Variants in OTUD4 observed in about 807,000 individuals in gnomAD.
OTUD4 encodes OTU deubiquitinase 4.
OTUD4 carries 24 observed loss-of-function variants against 130.4 expected under a neutral mutation model. The observed-to-expected ratio is 0.18, with a 90% CI of 0.13 to 0.26. The LOEUF (loss-of-function observed/expected upper bound fraction) is 0.26. Ranked by LOEUF, OTUD4 falls within the 10% of genes least tolerant of loss-of-function variation. OTUD4 has a pLI of 1.00. For synonymous variants in OTUD4, 420 were observed against 472.5 expected, an observed-to-expected ratio of 0.89 and a Z score of 1.44; for missense variants, 1,031 against 1,329.4, an observed-to-expected ratio of 0.78 and a Z score of 3.49.
chr4:145,152,480 T>A (rs36226187), intron 11 of OTUD4, 61 bp downstream of exon 11: 5 of 879,906 alleles, frequency 5.7e-6, no homozygotes, highest in South Asian at 1.5e-5. Context: ...CATTTTAAAA[T>A]GCTCATGATT....
chr4:145,147,119 G>A (rs1404291317), intron 13 of OTUD4, among the ~76,000 whole-genome samples: 1 of 152,088 alleles, frequency 6.6e-6, no homozygotes, highest in Non-Finnish European at 1.5e-5. Flanking sequence ...AAAGCAGTAT[G>A]AATACTATTT....
chr4:145,160,539 G>A (rs1751505850), intron 6 of OTUD4, among the ~76,000 whole-genome samples: 1 of 152,202 alleles, frequency 6.6e-6, no homozygotes, highest in Non-Finnish European at 1.5e-5. Context: ...GGGGCCAGGT[G>A]TGGAGGCTCA....
chr4:145,164,620 T>A (rs1751755043), intron 4 of OTUD4, among the ~76,000 whole-genome samples: 1 of 152,184 alleles, frequency 6.6e-6, no homozygotes, highest in Non-Finnish European at 1.5e-5. Context: ...ATCCCAAATG[T>A]TCCAAAATCT....
At chr4:145,172,566 T>C (rs182061388) in intron 2 of OTUD4, among the ~76,000 whole-genome samples, 2 of 152,342 alleles carry the variant, frequency 1.3e-5, no homozygotes, top group East Asian at 3.9e-4. Flanking sequence ...CTAAAAGTCA[T>C]TTGTTGAACC....
Position 145,156,055 on chromosome 4 carries a change from C to A in OTUD4, c.630-59G>T, listed in dbSNP as rs146441493. 371 of 1,299,654 alleles carry A rather than the reference C, an allele frequency of 2.9e-4. No homozygotes were observed. In the African/African-American group the frequency reaches 4.7e-3, roughly 16 times the overall value. The allele number at this position is 1,299,654 out of a possible 1,614,324, so 80.5% of individuals were successfully genotyped here. ...AAAGGTATTTGCACGTAATTACCTT[C>A]TAACCTCATCTAAACGTCTTCAAAG... On this transcript the variant is annotated intron_variant, in intron 7 of 20. Coordinates refer to ENST00000447906, the MANE Select transcript of OTUD4 (RefSeq NM_001366057.1).
rs1242545984 is a variant in OTUD4 at position 145,180,523 on chromosome 4, G to A, written c.-550C>T. On this transcript the variant is annotated 5_prime_UTR_variant, in exon 1 of 21. Coordinates refer to ENST00000447906, the MANE Select transcript of OTUD4 (RefSeq NM_001366057.1). ...GGGCAGGGAGCGGGTGGGGGCGCCC[G>A]GGAGAGAACAGCACCTCGCAGCCCA... is the stretch of plus-strand genomic sequence containing the variant. 1.3e-5 allele frequency among the ~76,000 whole-genome samples: 2 copies of A among 152,230 alleles called. No individual in the cohort carries two copies. Among genetic ancestry groups the A allele is most frequent in the African/African-American group, 2.4e-5 (1 of 41,476 alleles).
chr4:145,147,653 A>G (rs966676509), intron 13 of OTUD4, among the ~76,000 whole-genome samples: 5 of 152,178 alleles, frequency 3.3e-5, no homozygotes, highest in African/African-American at 9.7e-5. Context: ...AAAAGCATAT[A>G]TGGCAATCTT....
intron 17 of OTUD4, among the ~76,000 whole-genome samples, chr4:145,142,819 T>G (rs1224145679): frequency 6.6e-6 from 1 of 152,258 alleles, no homozygotes; most frequent in Non-Finnish European, 1.5e-5. Flanking sequence ...AGAATGTTGG[T>G]TGAAAGGCAT....
intron 4 of OTUD4, among the ~76,000 whole-genome samples, chr4:145,164,888 C>G (rs1281300089): frequency 1.3e-5 from 2 of 152,086 alleles, no homozygotes; most frequent in African/African-American, 4.8e-5. Context: ...AATCATTTCT[C>G]TACAAAGTTG....
chr4:145,149,588 A>C (rs1236998564), intron 13 of OTUD4: 1 of 152,224 alleles, frequency 6.6e-6, no homozygotes, highest in African/African-American at 2.4e-5. Flanking sequence ...TAGAACAAGG[A>C]GTTTGATCTG....
At chr4:145,173,129 C>T (rs953750813) in intron 2 of OTUD4, among the ~76,000 whole-genome samples, 1 of 152,314 alleles carries the variant, frequency 6.6e-6, no homozygotes, top group African/African-American at 2.4e-5. Context: ...CGGTGGCTCA[C>T]GCCTGTAATC....
rs1752620747 is a variant in OTUD4 at position 145,180,035 on chromosome 4, G to C, written c.-62C>G. 1.6e-6 allele frequency: 2 copies of C among 1,262,232 alleles called. No homozygotes were observed. The highest frequency in any genetic ancestry group is 2.3e-5 in the South Asian group (1 of 42,994). The allele number at this position is 1,262,232 out of a possible 1,614,324, so 78.2% of individuals were successfully genotyped here. A position where few individuals can be genotyped will look rare whatever the true frequency, so the allele number is the denominator to read the frequency against. On this transcript the variant is annotated 5_prime_UTR_variant, in exon 1 of 21. Coordinates refer to ENST00000447906, the MANE Select transcript of OTUD4 (RefSeq NM_001366057.1). ...CTAGCCCCACATGGCCAGGCCGCCG[G>C]CTGCTCGACGCCCCGGCCTGGGGCA...
rs1329566139 is a variant in OTUD4 at position 145,135,371 on chromosome 4, C to T, written c.*2059G>A. 6.6e-6 allele frequency: 1 copy of T among 152,336 alleles called. No individual in the cohort carries two copies. Among genetic ancestry groups the T allele is most frequent in the South Asian group, 2.1e-4 (1 of 4,824 alleles). 9.4% of individuals were successfully genotyped at this position (152,336 alleles called of 1,614,324 possible). A position where few individuals can be genotyped will look rare whatever the true frequency, so the allele number is the denominator to read the frequency against. On this transcript the variant is annotated 3_prime_UTR_variant, in exon 21 of 21. Coordinates refer to ENST00000447906, the MANE Select transcript of OTUD4 (RefSeq NM_001366057.1). ...AACATTTTCAGAAGCTGAGATCAAACCCCAGTCAATAAAATGCAGGACACT... is the reference window on the plus strand; with the variant it reads ...AACATTTTCAGAAGCTGAGATCAAATCCCAGTCAATAAAATGCAGGACACT...
Position 145,165,134 on chromosome 4 carries a change from G to A in OTUD4, c.341+17C>T. On this transcript the variant is annotated intron_variant, in intron 4 of 20. Transcript: ENST00000447906. ...ACTGGTTTCATTTTCTTTTACTTAT[G>A]TTATTACAGTGTTTACCTGTACATA... 2 of 1,460,946 alleles carry A rather than the reference G, an allele frequency of 1.4e-6. 1 individual carries two copies. Among genetic ancestry groups the A allele is most frequent in the Non-Finnish European group, 1.9e-6 (2 of 1,057,294 alleles). The allele number at this position is 1,460,946 out of a possible 1,614,324, so 90.5% of individuals were successfully genotyped here.
chr4:145,171,611 T>C (rs999068735), intron 3 of OTUD4, 59 bp downstream of exon 3: 49 of 775,214 alleles, frequency 6.3e-5, no homozygotes, highest in Non-Finnish European at 1.0e-4. Context: ...TTTTAATGAA[T>C]TTTAAATACA....
chr4:145,164,030 AAT>A (rs1316595449), intron 5 of OTUD4, 122 bp downstream of exon 5: 2 of 562,574 alleles, frequency 3.6e-6, no homozygotes, highest in African/African-American at 3.9e-5. Flanking sequence ...AAGAAATCAG[AAT>A]ACCATAACCT....
intron 17 of OTUD4, 39 bp from the exon 18 acceptor site, chr4:145,142,373 CAA>C (rs763031549): frequency 2.0e-5 from 32 of 1,598,158 alleles, no homozygotes; most frequent in Middle Eastern, 1.7e-4. Flanking sequence ...CAGAAAAAGA[CAA>C]GAGGTCATTT....
In OTUD4 at chr4:145,179,015, G is replaced by C. The variant is rs185473259; in HGVS notation, c.159+800C>G. Among the ~76,000 whole-genome samples the C allele has an allele frequency of 2.6e-5, 4 of 152,068 alleles. No individual in the cohort carries two copies. The East Asian group carries it at 7.7e-4, about 29-fold the overall frequency. On this transcript the variant is annotated intron_variant, in intron 1 of 20. Transcript: ENST00000447906. Reference sequence around the variant, plus strand: ...ATTTTTCAATATAGGATGGGTTTTGGTGACTGCACACCTACAACACACAGT... The same window carrying C: ...ATTTTTCAATATAGGATGGGTTTTGCTGACTGCACACCTACAACACACAGT...
intron 5 of OTUD4, among the ~76,000 whole-genome samples, chr4:145,163,823 C>T (rs1483121069): frequency 1.3e-5 from 2 of 151,538 alleles, no homozygotes; most frequent in African/African-American, 4.9e-5. Context: ...TCTCCTGCCT[C>T]AGCCTCCCTA....
Sources: gnomAD v4.1 joint callset for allele counts (sites outside exome capture counted in the v4.1 genomes callset) on GRCh38, gnomAD v4.1.1 for gene constraint, MANE v1.5 for transcripts, NCBI Gene and HGNC (gene_info 2026-07-23, HGNC 2026-07-21) for gene names.